Variants in ATXN1 observed in about 807,000 individuals in gnomAD.
ATXN1 encodes ataxin-1.
Under a neutral mutation model 56.4 loss-of-function variants are expected in ATXN1, and 8 were observed. The observed-to-expected ratio is 0.14, with a 90% CI of 0.08 to 0.26. ATXN1 has a LOEUF of 0.26. ATXN1 is among the 10% of genes least tolerant of loss of function. The probability of loss-of-function intolerance (pLI) is 1.00; values close to 1 mark genes in which losing one functional copy is unlikely to be tolerated. For missense variants in ATXN1, 987 were observed against 1,106.5 expected, an observed-to-expected ratio of 0.89 and a Z score of 1.53; for synonymous variants, 514 against 494.6, an observed-to-expected ratio of 1.04 and a Z score of -0.52.
At chr6:16,362,864 G>A (rs572152647) in intron 6 of ATXN1, among the ~76,000 whole-genome samples, 3 of 152,310 alleles carry the variant, frequency 2.0e-5, no homozygotes, top group African/African-American at 7.2e-5. Context: ...TGAGCAGTAG[G>A]AATAATAACA....
At chr6:16,740,263 G>A (rs1760290810) in intron 2 of ATXN1, among the ~76,000 whole-genome samples, 1 of 152,218 alleles carries the variant, frequency 6.6e-6, no homozygotes, top group Admixed American at 6.5e-5. Context: ...GCCACTAGAT[G>A]TTGTAACAGT....
rs139529487 is a variant in ATXN1 at position 16,516,898 on chromosome 6, C to G, written c.-299+5729G>C. On this transcript the variant is annotated intron_variant, in intron 5 of 7. Coordinates refer to ENST00000436367, the MANE Select transcript of ATXN1 (RefSeq NM_001128164.2). ...CTTTCAGGGCTTACCTTTTCACCCT[C>G]CAACTCACATTTTCCTTCCTCTCAT... is the stretch of plus-strand genomic sequence containing the variant. Among the ~76,000 whole-genome samples, 18 of 152,340 alleles carry G rather than the reference C, an allele frequency of 1.2e-4. No individual in the cohort carries two copies. In the East Asian group the frequency reaches 2.7e-3, roughly 23 times the overall value.
intron 6 of ATXN1, among the ~76,000 whole-genome samples, chr6:16,467,483 AGT>A (rs916008095): frequency 1.1e-4 from 16 of 152,090 alleles, no homozygotes; most frequent in Non-Finnish European, 2.4e-4. Flanking sequence ...AGGAGGGAGG[AGT>A]GTGTGTTTCT....
chr6:16,592,885 G>A (rs370152661), intron 3 of ATXN1, among the ~76,000 whole-genome samples: 1 of 149,436 alleles, frequency 6.7e-6, no homozygotes, highest in South Asian at 2.1e-4. Flanking sequence ...TGGGGGGTTG[G>A]GGGGGGCAGC....
chr6:16,328,176 C>A lies in ATXN1; in HGVS notation c.135G>T (p.Trp45Cys). ...CCCGGCCACCAGGGTTGCCCGGGAG[C>A]CATGCTGTGCCCTCCACCCGGTGGT... Reference protein sequence around the residue: ...SDNHRVEGTAWLPGNPGGRGH... With the variant: ...SDNHRVEGTACLPGNPGGRGH... Residue 45 changes from tryptophan to cysteine, a missense_variant, in exon 7 of 8, where the codon TGG becomes TGT. Physicochemically the swap from Trp to Cys is radical, Grantham distance 215 (BLOSUM62 -2). Transcript: ENST00000436367. This position sits in a 1 kb window ranked among gnomAD's most constrained non-coding sequence, Gnocchi z 6.2. 2 of 1,595,044 alleles carry A rather than the reference C, an allele frequency of 1.3e-6. No individual in the cohort carries two copies. The highest frequency in any genetic ancestry group is 1.7e-6 in the Non-Finnish European group (2 of 1,167,680).
chr6:16,342,835 G>C (rs1399878996), intron 6 of ATXN1, among the ~76,000 whole-genome samples: 2 of 152,200 alleles, frequency 1.3e-5, no homozygotes, highest in Non-Finnish European at 2.9e-5. Context: ...AATTTGGAGA[G>C]AGCGTAGAAC....
At chr6:16,394,648 G>GT (rs1319276954) in intron 6 of ATXN1, among the ~76,000 whole-genome samples, 1 of 152,136 alleles carries the variant, frequency 6.6e-6, no homozygotes, top group Non-Finnish European at 1.5e-5. Flanking sequence ...ATTCAGCTCT[G>GT]TTTAAGTCCT....
chr6:16,553,119 C>A (rs752801293), intron 4 of ATXN1, among the ~76,000 whole-genome samples: 2 of 152,240 alleles, frequency 1.3e-5, no homozygotes, highest in Non-Finnish European at 2.9e-5. Context: ...CATGGCCCTT[C>A]CAGCTGGCCA....
intron 2 of ATXN1, among the ~76,000 whole-genome samples, chr6:16,676,946 T>C (rs1758674348): frequency 6.6e-6 from 1 of 152,234 alleles, no homozygotes; most frequent in Non-Finnish European, 1.5e-5. Context: ...AACCCTCTGC[T>C]GTATTTTGTA....
chr6:16,699,088 C>G (rs1325846314), intron 2 of ATXN1, among the ~76,000 whole-genome samples: 1 of 152,122 alleles, frequency 6.6e-6, no homozygotes, highest in African/African-American at 2.4e-5. Flanking sequence ...TACCACTAAG[C>G]AAGGAATAAA....
At chr6:16,434,510 C>A (rs944622058) in intron 6 of ATXN1, among the ~76,000 whole-genome samples, 1 of 152,156 alleles carries the variant, frequency 6.6e-6, no homozygotes, top group African/African-American at 2.4e-5. Context: ...TATTTATGTA[C>A]CTCCCTTTTA....
At chr6:16,630,995 G>A (rs909143262) in intron 3 of ATXN1, among the ~76,000 whole-genome samples, 1 of 152,158 alleles carries the variant, frequency 6.6e-6, no homozygotes, top group African/African-American at 2.4e-5. Flanking sequence ...TCATTGGTAA[G>A]CCACAGTTTT....
chr6:16,376,981 T>TTTCA (rs894886693), intron 6 of ATXN1, among the ~76,000 whole-genome samples: 25 of 152,136 alleles, frequency 1.6e-4, no homozygotes, highest in Middle Eastern at 3.4e-3. Flanking sequence ...TTCAAAATGG[T>TTTCA]TTCATTCATT....
chr6:16,310,948 C>G (rs1164030116), intron 7 of ATXN1, among the ~76,000 whole-genome samples: 1 of 152,158 alleles, frequency 6.6e-6, no homozygotes, highest in Non-Finnish European at 1.5e-5. Flanking sequence ...TGATACATTT[C>G]TAGAATGACA....
At chr6:16,370,198 C>A (rs1416679579) in intron 6 of ATXN1, among the ~76,000 whole-genome samples, 1 of 152,054 alleles carries the variant, frequency 6.6e-6, no homozygotes, top group Admixed American at 6.6e-5. Flanking sequence ...GTTCTCCAGG[C>A]GACCCCGACA....
At chr6:16,432,044 T>G (rs1167462794) in intron 6 of ATXN1, among the ~76,000 whole-genome samples, 2 of 152,222 alleles carry the variant, frequency 1.3e-5, no homozygotes, top group Admixed American at 6.5e-5. Flanking sequence ...AATCTATTTA[T>G]TTTGAAATAC....
chr6:16,729,024 G>A (rs1475343745), intron 2 of ATXN1, among the ~76,000 whole-genome samples: 1 of 152,200 alleles, frequency 6.6e-6, no homozygotes, highest in Non-Finnish European at 1.5e-5. Flanking sequence ...AGGGACCTCA[G>A]CAATCCAAAC....
intron 4 of ATXN1, among the ~76,000 whole-genome samples, chr6:16,535,935 C>G (rs1761589643): frequency 6.6e-6 from 1 of 152,058 alleles, no homozygotes; most frequent in Non-Finnish European, 1.5e-5. Flanking sequence ...TCTGGCCAGG[C>G]ATGGTTGGCT....
chr6:16,386,678 T>C (rs1327915995), intron 6 of ATXN1, among the ~76,000 whole-genome samples: 1 of 151,982 alleles, frequency 6.6e-6, no homozygotes, highest in South Asian at 2.1e-4. Flanking sequence ...GGACCTTGTG[T>C]AAAGAGTATA....
Sources: allele counts gnomAD v4.1 joint callset (sites outside exome capture counted in the v4.1 genomes callset), GRCh38; gene constraint gnomAD v4.1.1; non-coding constraint Gnocchi (gnomAD v3.1); transcripts MANE v1.5; gene names NCBI Gene and HGNC (gene_info 2026-07-23, HGNC 2026-07-21).